CHLSN: variants seen among roughly 807,000 people sequenced by gnomAD.
The protein encoded by CHLSN is cholesin, also known as protein cholesin.
the CHLSN span, among the ~76,000 whole-genome samples, chr7:1,012,888 T>C: frequency 6.6e-6 from 1 of 152,176 alleles, no homozygotes; most frequent in Non-Finnish European, 1.5e-5. Flanking sequence ...CTCACTGTCC[T>C]GGACCAGGCA....
chr7:1,068,627 G>C, the CHLSN span, among the ~76,000 whole-genome samples: 1 of 151,996 alleles, frequency 6.6e-6, no homozygotes, highest in Non-Finnish European at 1.5e-5. Flanking sequence ...CCTGCTTGTC[G>C]GCCTCCCCAT....
the CHLSN span, chr7:1,092,456 G>A: frequency 6.2e-7 from 1 of 1,608,236 alleles, no homozygotes; most frequent in Non-Finnish European, 8.5e-7. Flanking sequence ...GTGCTGGTCA[G>A]GGCGCACCGG....
the CHLSN span, among the ~76,000 whole-genome samples, chr7:1,132,835 T>C: frequency 6.6e-6 from 1 of 151,966 alleles, no homozygotes; most frequent in Non-Finnish European, 1.5e-5. Flanking sequence ...AACCCGGTTT[T>C]TAAATGGGGA....
At chr7:1,021,929 C>A in the CHLSN span, among the ~76,000 whole-genome samples, 12 of 152,290 alleles carry the variant, frequency 7.9e-5, no homozygotes, top group African/African-American at 2.9e-4. Context: ...AGGGCAGCTC[C>A]CTCGGCCTGG....
the CHLSN span, among the ~76,000 whole-genome samples, chr7:1,028,012 G>A: frequency 1.1e-5 from 1 of 91,158 alleles, no homozygotes; most frequent in African/African-American, 4.5e-5. Context: ...GCGCCCCCAG[G>A]AGAGTAAGTG....
chr7:1,080,240 A>G, the CHLSN span, among the ~76,000 whole-genome samples: 1 of 152,244 alleles, frequency 6.6e-6, no homozygotes, highest in Non-Finnish European at 1.5e-5. Context: ...GCTCACATGA[A>G]ACCCTGTATG....
chr7:1,007,434 A>C, the CHLSN span, among the ~76,000 whole-genome samples: 3 of 152,026 alleles, frequency 2.0e-5, no homozygotes, highest in African/African-American at 7.3e-5. Flanking sequence ...GGCTGAGGAC[A>C]CTCCCCTGTG....
At chr7:1,055,273 C>T in the CHLSN span, 23 of 471,064 alleles carry the variant, frequency 4.9e-5, no homozygotes, top group Middle Eastern at 6.5e-4. Flanking sequence ...GGGGAACTTA[C>T]CAGAGGAAAA....
At chr7:1,091,573 A>G in the CHLSN span, 3 of 668,080 alleles carry the variant, frequency 4.5e-6, no homozygotes. Context: ...ACCCAACCCA[A>G]ACCACCACAG....
the CHLSN span, among the ~76,000 whole-genome samples, chr7:1,118,779 T>G: frequency 2.6e-5 from 3 of 113,648 alleles, no homozygotes; most frequent in East Asian, 7.6e-4. Context: ...CTGGGCAAGA[T>G]AGTGAGACCC....
the CHLSN span, among the ~76,000 whole-genome samples, chr7:1,085,093 A>T: frequency 1.3e-5 from 2 of 152,228 alleles, no homozygotes; most frequent in South Asian, 4.1e-4. Context: ...CCTACGTGGC[A>T]TTCACTCGGG....
the CHLSN span, chr7:1,092,775 C>A: frequency 1.2e-6 from 2 of 1,613,660 alleles, no homozygotes; most frequent in Non-Finnish European, 1.7e-6. Context: ...CGGCCCTGAA[C>A]CGCTTCTGTC....
At chr7:1,107,751 C>T in the CHLSN span, among the ~76,000 whole-genome samples, 5 of 152,206 alleles carry the variant, frequency 3.3e-5, no homozygotes, top group Admixed American at 2.6e-4. Context: ...CCCCACGCCC[C>T]GGGAGGAAGC....
the CHLSN span, among the ~76,000 whole-genome samples, chr7:1,068,507 T>C: frequency 6.6e-6 from 1 of 152,048 alleles, no homozygotes; most frequent in African/African-American, 2.4e-5. Flanking sequence ...GCAAAATCAG[T>C]TCTCAGTGAA....
At chr7:1,064,245 G>A in the CHLSN span, among the ~76,000 whole-genome samples, 1 of 152,126 alleles carries the variant, frequency 6.6e-6, no homozygotes, top group South Asian at 2.1e-4. Context: ...CACAGCGCCG[G>A]GTCCTGATGG....
At chr7:1,091,890 G>C in the CHLSN span, 4 of 1,614,094 alleles carry the variant, frequency 2.5e-6, no homozygotes, top group Non-Finnish European at 3.4e-6. Flanking sequence ...AGCACCAGCA[G>C]TACGTGATCG....
chr7:1,042,668 G>A, the CHLSN span, among the ~76,000 whole-genome samples: 1 of 152,186 alleles, frequency 6.6e-6, no homozygotes, highest in Admixed American at 6.5e-5. Flanking sequence ...CAGTGGCTCA[G>A]AGGAAGCTAA....
chr7:986,152 G>A, the CHLSN span, among the ~76,000 whole-genome samples: 24,029 of 152,190 alleles, frequency 0.16, 2,065 homozygotes, highest in Admixed American at 0.23. Context: ...ACTGGCGATC[G>A]CGGACGCCCC....
At chr7:1,027,179 G>C in the CHLSN span, among the ~76,000 whole-genome samples, 1 of 152,234 alleles carries the variant, frequency 6.6e-6, no homozygotes, top group Non-Finnish European at 1.5e-5. Flanking sequence ...TCACATCTGG[G>C]AACTAAGTAC....
Sources: allele counts gnomAD v4.1 joint callset (sites outside exome capture counted in the v4.1 genomes callset), GRCh38; gene constraint gnomAD v4.1.1; transcripts MANE v1.5; gene names NCBI Gene and HGNC (gene_info 2026-07-23, HGNC 2026-07-21).